LPP: variants seen among roughly 807,000 people sequenced by gnomAD.
LPP encodes LIM domain containing preferred translocation partner in lipoma.
A neutral mutation model predicts 60.4 loss-of-function variants in LPP; 38 were observed. That is an observed-to-expected ratio of 0.63 (90% CI 0.49 to 0.83). The LOEUF is 0.83. LPP is among the 40% of genes least tolerant of loss of function. LPP has a pLI of 0.00. For synonymous variants in LPP, 328 were observed against 290.8 expected, an observed-to-expected ratio of 1.13 and a Z score of -1.30; for missense variants, 902 against 783.6, an observed-to-expected ratio of 1.15 and a Z score of -1.80.
At chr3:188,472,699 G>C (rs1182803838) in intron 4 of LPP, 2 of 152,278 alleles carry the variant, frequency 1.3e-5, no homozygotes, top group East Asian at 3.9e-4. Context: ...CAACATTGGG[G>C]AAAAGGAAGT....
intron 9 of LPP, among the ~76,000 whole-genome samples, chr3:188,834,536 C>G (rs1228855826): frequency 6.6e-6 from 1 of 151,924 alleles, no homozygotes; most frequent in Non-Finnish European, 1.5e-5. Context: ...ATCTTTGATC[C>G]TCTTCACCAA....
At chr3:188,323,241 C>T (rs920785231) in intron 2 of LPP, among the ~76,000 whole-genome samples, 17 of 152,098 alleles carry the variant, frequency 1.1e-4, no homozygotes, top group African/African-American at 4.1e-4. Flanking sequence ...GAAGACAGTC[C>T]CCTTTGTCAG....
intron 1 of LPP, among the ~76,000 whole-genome samples, chr3:188,155,741 C>G (rs757797104): frequency 2.6e-5 from 4 of 152,114 alleles, no homozygotes; most frequent in African/African-American, 9.7e-5. Flanking sequence ...GGGCCAGGCA[C>G]GGTGGCTCAC....
chr3:188,607,159 ACACACACT>A (rs1842552585), intron 6 of LPP, among the ~76,000 whole-genome samples: 1 of 135,286 alleles, frequency 7.4e-6, no homozygotes, highest in African/African-American at 2.7e-5. Flanking sequence ...ACACACACAC[ACACACACT>A]ATTTAAACAT....
At chr3:188,725,139 T>A (rs1184259936) in intron 8 of LPP, 1 of 152,234 alleles carries the variant, frequency 6.6e-6, no homozygotes, top group Non-Finnish European at 1.5e-5. Flanking sequence ...TTTAGGAAGC[T>A]GCTGTGTCAC....
At chr3:188,166,980 C>T (rs1310414707) in intron 1 of LPP, among the ~76,000 whole-genome samples, 2 of 152,070 alleles carry the variant, frequency 1.3e-5, no homozygotes, top group Non-Finnish European at 2.9e-5. Context: ...TCTTGCATTA[C>T]GTGGTTATCG....
intron 3 of LPP, among the ~76,000 whole-genome samples, chr3:188,399,072 TG>T (rs1471111057): frequency 1.3e-5 from 2 of 152,226 alleles, no homozygotes; most frequent in Admixed American, 1.3e-4. Context: ...TAAAAGCTTG[TG>T]AGCAGAGTTG....
intron 8 of LPP, among the ~76,000 whole-genome samples, chr3:188,736,958 T>C (rs547399919): frequency 6.6e-6 from 1 of 152,130 alleles, no homozygotes; most frequent in Non-Finnish European, 1.5e-5. Context: ...TTTGGGAAAA[T>C]ATTATCTTGT....
intron 8 of LPP, among the ~76,000 whole-genome samples, chr3:188,753,812 A>C (rs534253169): frequency 1.3e-5 from 2 of 151,876 alleles, no homozygotes; most frequent in Admixed American, 1.3e-4. Flanking sequence ...TAGAGGGAAA[A>C]ACAAGAGAGA....
At position 188,886,965 on chromosome 3, in the gene LPP, G is replaced by C. The variant is rs1396267570; in HGVS notation, c.*12486G>C. 1 of 231,224 alleles carries C rather than the reference G, an allele frequency of 4.3e-6. No homozygotes were observed. The highest frequency in any genetic ancestry group is 8.6e-6 in the Non-Finnish European group (1 of 116,908). 14.3% of individuals were successfully genotyped at this position (231,224 alleles called of 1,614,324 possible). Reference sequence around the variant, plus strand: ...GCAATTTGAGGTGGGGGTGGAAACAGGTATTTATCTCTCATGCGTGATTCT... The same window carrying C: ...GCAATTTGAGGTGGGGGTGGAAACACGTATTTATCTCTCATGCGTGATTCT... On this transcript the variant is annotated 3_prime_UTR_variant, in exon 12 of 12. Transcript: ENST00000617246.
At chr3:188,705,842 T>C (rs1234658029) in intron 7 of LPP, among the ~76,000 whole-genome samples, 2 of 152,046 alleles carry the variant, frequency 1.3e-5, no homozygotes, top group Non-Finnish European at 2.9e-5. Context: ...GTCTCGAACT[T>C]CTGGCCTCAA....
chr3:188,644,277 A>G (rs1235607851), intron 7 of LPP, among the ~76,000 whole-genome samples: 1 of 152,212 alleles, frequency 6.6e-6, no homozygotes, highest in African/African-American at 2.4e-5. Context: ...TTCAGGATCA[A>G]TGAGTATCCA....
intron 11 of LPP, among the ~76,000 whole-genome samples, chr3:188,873,585 AT>A (rs11394319): frequency 0.013 from 1,959 of 148,782 alleles, 29 homozygotes; most frequent in African/African-American, 0.044. Context: ...AGTTCTTTGC[AT>A]TTTTTTTTTT....
At chr3:188,808,205 ATCT>A (rs1749755026) in intron 9 of LPP, among the ~76,000 whole-genome samples, 1 of 151,662 alleles carries the variant, frequency 6.6e-6, no homozygotes, top group Middle Eastern at 3.2e-3. Context: ...TCAGATTTAG[ATCT>A]TCTTTTTGTG....
chr3:188,537,227 T>A (rs1428296701), intron 6 of LPP, among the ~76,000 whole-genome samples: 2 of 152,180 alleles, frequency 1.3e-5, no homozygotes, highest in Non-Finnish European at 2.9e-5. Context: ...GTGGTCTGTT[T>A]GCAGCTGTGC....
At chr3:188,799,370 T>C (rs1331474917) in intron 9 of LPP, among the ~76,000 whole-genome samples, 1 of 152,230 alleles carries the variant, frequency 6.6e-6, no homozygotes, top group Non-Finnish European at 1.5e-5. Context: ...TCTCTTGTTA[T>C]GGACTTGTAT....
At chr3:188,382,325 T>G (rs1777126246) in intron 3 of LPP, among the ~76,000 whole-genome samples, 1 of 152,224 alleles carries the variant, frequency 6.6e-6, no homozygotes, top group African/African-American at 2.4e-5. Context: ...TGCCTAGAGA[T>G]CAGTAGACCT....
chr3:188,421,684 G>A (rs1787848664), intron 4 of LPP, among the ~76,000 whole-genome samples: 1 of 152,092 alleles, frequency 6.6e-6, no homozygotes, highest in South Asian at 2.1e-4. Context: ...GGCTCTTATG[G>A]CAGCTTTTAT....
intron 1 of LPP, among the ~76,000 whole-genome samples, chr3:188,205,153 G>A (rs1282584254): frequency 3.9e-5 from 6 of 151,960 alleles, no homozygotes; most frequent in African/African-American, 1.5e-4. Context: ...TCTCATAAAA[G>A]CCTTAGGAGG....
Sources: gnomAD v4.1 joint callset for allele counts (sites outside exome capture counted in the v4.1 genomes callset) on GRCh38, gnomAD v4.1.1 for gene constraint, MANE v1.5 for transcripts, NCBI Gene and HGNC (gene_info 2026-07-23, HGNC 2026-07-21) for gene names.